SAP130: variants seen among roughly 807,000 people sequenced by gnomAD.
SAP130 encodes the protein Sin3A associated protein 130.
A neutral mutation model predicts 103.2 loss-of-function variants in SAP130; 16 were observed. The observed-to-expected ratio is 0.16, with a 90% CI of 0.10 to 0.24. The LOEUF (loss-of-function observed/expected upper bound fraction) is 0.24, where lower values mean the gene tolerates loss of function less well. Among genes scored for constraint, SAP130 ranks in the 10% least tolerant of loss-of-function variants. The probability of loss-of-function intolerance (pLI) is 1.00; values close to 1 mark genes in which losing one functional copy is unlikely to be tolerated. For missense variants in SAP130, 990 were observed against 1,359.7 expected, an observed-to-expected ratio of 0.73 and a Z score of 4.28; for synonymous variants, 477 against 497.0, an observed-to-expected ratio of 0.96 and a Z score of 0.53.
At chr2:128,012,522 G>A (rs1684469263) in intron 6 of SAP130, among the ~76,000 whole-genome samples, 1 of 151,964 alleles carries the variant, frequency 6.6e-6, no homozygotes, top group East Asian at 1.9e-4. Context: ...TGTATATAAA[G>A]TCTAGTTTAT....
intron 1 of SAP130, among the ~76,000 whole-genome samples, chr2:128,026,636 T>C (rs574036498): frequency 2.0e-5 from 3 of 152,364 alleles, no homozygotes; most frequent in East Asian, 1.9e-4. Flanking sequence ...TAAAGTTTTA[T>C]GGAAAATGGC....
In SAP130 at chr2:127,949,922, G is replaced by T. The variant is rs1679375331; in HGVS notation, c.2744C>A (p.Pro915His). 6.2e-7 allele frequency: 1 copy of T among 1,614,122 alleles called. No homozygotes were observed. The highest frequency in any genetic ancestry group is 8.5e-7 in the Non-Finnish European group (1 of 1,180,010). ...AAAGTGGTGGTAAGCAGCTTTCCAG[G>T]GGTTCCGATAGTGACGAAGCAAAGT... Reference protein sequence around the residue: ...PITLLRHYRNPWKAAYHHFQR... With the variant: ...PITLLRHYRNHWKAAYHHFQR... The change falls in exon 18 of 21, where the codon CCC becomes CAC. Residue 915 changes from proline to histidine, a missense_variant. By Grantham distance (77) the Pro-to-His change is moderately conservative (BLOSUM62 -2). This residue lies in a region of SAP130 where 61 missense variants were observed against 73.8 expected (regional missense o/e 0.83). Coordinates refer to ENST00000643581, the MANE Select transcript of SAP130 (RefSeq NM_001330301.2).
chr2:127,994,606 A>G (rs1683045453), intron 11 of SAP130, among the ~76,000 whole-genome samples: 1 of 151,942 alleles, frequency 6.6e-6, no homozygotes, highest in Admixed American at 6.6e-5. Flanking sequence ...AAAAATAAAA[A>G]AACTTCGCCA....
chr2:128,010,213 A>AGTTT, intron 7 of SAP130, 56 bp downstream of exon 7: 1 of 1,552,522 alleles, frequency 6.4e-7, no homozygotes, highest in Non-Finnish European at 8.7e-7. Flanking sequence ...CGAAAGAAAA[A>AGTTT]AGAGTGAAGG....
At chr2:128,020,947 G>A (rs185455175) in intron 2 of SAP130, among the ~76,000 whole-genome samples, 2 of 152,270 alleles carry the variant, frequency 1.3e-5, no homozygotes, top group East Asian at 1.9e-4. Flanking sequence ...AGCGAGCCAA[G>A]ACTGTGCACT....
At chr2:127,975,855 A>G (rs1025847554) in intron 15 of SAP130, among the ~76,000 whole-genome samples, 1 of 152,132 alleles carries the variant, frequency 6.6e-6, no homozygotes, top group Non-Finnish European at 1.5e-5. Flanking sequence ...ACATTTAATG[A>G]AGTCTTGGAG....
chr2:128,016,464 C>A lies in SAP130; in HGVS notation c.432G>T (p.Gly144=). 1.2e-6 allele frequency: 2 copies of A among 1,613,934 alleles called. No homozygotes were observed. The highest frequency in any genetic ancestry group is 1.3e-5 in the African/African-American group (1 of 74,960). Residue 144 remains glycine (G), a synonymous_variant, in exon 4 of 21, where the codon GGG becomes GGT. Coordinates refer to ENST00000643581, the MANE Select transcript of SAP130 (RefSeq NM_001330301.2). ...TACTCTCCATGGTAACGGTAACCTG[C>A]CCTGGAACCTTGGGGGGAAGTGACA... The part of the protein sequence containing the change: ...STLSLPPKVP[G]QVTVTMESSI...
chr2:128,027,693 GC>G (rs1380739316), intron 1 of SAP130, among the ~76,000 whole-genome samples: 1 of 104,820 alleles, frequency 9.5e-6, no homozygotes, highest in Non-Finnish European at 1.9e-5. Flanking sequence ...CGTCCGCCAC[GC>G]CCCCACGCCC....
chr2:127,984,679 C>CTTT (rs1344955623), intron 14 of SAP130, among the ~76,000 whole-genome samples: 1 of 152,162 alleles, frequency 6.6e-6, no homozygotes, highest in Non-Finnish European at 1.5e-5. Context: ...GTTCTATCAG[C>CTTT]TGAAAGCAGG....
intron 14 of SAP130, among the ~76,000 whole-genome samples, chr2:127,984,844 A>G (rs1267574465): frequency 3.3e-5 from 5 of 152,236 alleles, no homozygotes; most frequent in Admixed American, 6.5e-5. Context: ...GGGAAGGGGC[A>G]GTACACCACA....
At position 127,982,482 on chromosome 2, in the gene SAP130, TTTGA is replaced by T. The variant is rs377092897; in HGVS notation, c.1958+4299_1958+4302del. Among the ~76,000 whole-genome samples the T allele has an allele frequency of 3.3e-4, 51 of 152,296 alleles. 1 individual carries two copies. In the South Asian group the frequency reaches 6.4e-3, roughly 19 times the overall value. On this transcript the variant is annotated intron_variant, in intron 14 of 20. Transcript: ENST00000643581. ...TAGCTGCAGACTGTGGAAGTTGTCT[TTTGA>T]TTTTCTTTTTCTCAAAAAAGGAGCA...
chr2:128,004,361 CTTTTTTTTT>C (rs71935874), intron 7 of SAP130, among the ~76,000 whole-genome samples: 11 of 76,024 alleles, frequency 1.4e-4, no homozygotes, highest in South Asian at 1.3e-3. Context: ...GCTTTCTTTC[CTTTTTTTTT>C]TTTTTTTTTT....
chr2:128,005,369 C>T lies in SAP130; in HGVS notation c.869+4900G>A, dbSNP rs377192428. ...ACTTGGGAATCACCTGTAATCCCAA[C>T]ACTCTGGAAGGCTGAGGTGGGTAAA... On this transcript the variant is annotated intron_variant, in intron 7 of 20. Transcript: ENST00000643581. Among the ~76,000 whole-genome samples the T allele has an allele frequency of 3.9e-5, 6 of 152,250 alleles. No individual in the cohort carries two copies. The South Asian group carries it at 6.2e-4, about 16-fold the overall frequency.
At chr2:128,015,606 AT>A (rs2105199833) in intron 4 of SAP130, among the ~76,000 whole-genome samples, 1 of 152,280 alleles carries the variant, frequency 6.6e-6, no homozygotes, top group East Asian at 1.9e-4. Context: ...GGATTGCAAA[AT>A]TTCACAAAAA....
intron 2 of SAP130, among the ~76,000 whole-genome samples, chr2:128,024,519 G>A (rs1685365928): frequency 6.6e-6 from 1 of 152,038 alleles, no homozygotes; most frequent in Non-Finnish European, 1.5e-5. Flanking sequence ...TTTGAGACCA[G>A]CTTCGGCAAC....
intron 15 of SAP130, among the ~76,000 whole-genome samples, chr2:127,964,904 C>T (rs955247827): frequency 5.9e-5 from 9 of 151,548 alleles, no homozygotes; most frequent in Admixed American, 3.3e-4. Flanking sequence ...GAGACTGAGA[C>T]ACAAGAATCA....
At position 128,005,460 on chromosome 2, in the gene SAP130, C is replaced by A. The variant is rs1035458735; in HGVS notation, c.869+4809G>T. ...GGCAAACCCCCATCTACTAAAAATA[C>A]AAAAATTAGCCAGGGGTGGTGGTGG... On this transcript the variant is annotated intron_variant, in intron 7 of 20. Coordinates refer to ENST00000643581, the MANE Select transcript of SAP130 (RefSeq NM_001330301.2). Among the ~76,000 whole-genome samples the A allele has an allele frequency of 3.3e-5, 5 of 151,758 alleles. No homozygotes were observed. The South Asian group carries it at 1.0e-3, about 32-fold the overall frequency.
intron 7 of SAP130, among the ~76,000 whole-genome samples, chr2:128,006,298 T>C (rs898274891): frequency 6.6e-6 from 1 of 152,176 alleles, no homozygotes; most frequent in African/African-American, 2.4e-5. Flanking sequence ...TGATAGAAAA[T>C]AAATTTCATT....
At chr2:128,006,952 T>C (rs1684023506) in intron 7 of SAP130, among the ~76,000 whole-genome samples, 1 of 152,240 alleles carries the variant, frequency 6.6e-6, no homozygotes, top group South Asian at 2.1e-4. Context: ...AGAAAAATCA[T>C]CTGATTAGGG....
Sources: allele counts gnomAD v4.1 joint callset (sites outside exome capture counted in the v4.1 genomes callset), GRCh38; gene constraint gnomAD v4.1.1; regional missense constraint gnomAD v4.1.1; transcripts MANE v1.5; gene names NCBI Gene and HGNC (gene_info 2026-07-23, HGNC 2026-07-21).